The following ASCC3 variants were observed in gnomAD, a reference collection of about 807,000 sequenced individuals.
ASCC3 encodes ASC-1 complex subunit P200.
ASCC3 carries 158 observed loss-of-function variants against 256.3 expected under a neutral mutation model. That is an observed-to-expected ratio of 0.62 (90% CI 0.54 to 0.70). The LOEUF is 0.70. ASCC3 is among the 30% of genes least tolerant of loss of function. The pLI, the probability that ASCC3 is intolerant of heterozygous loss-of-function variation, is 0.00. For synonymous variants in ASCC3, 948 were observed against 883.4 expected, an observed-to-expected ratio of 1.07 and a Z score of -1.30; for missense variants, 2,259 against 2,626.0, an observed-to-expected ratio of 0.86 and a Z score of 3.05.
intron 4 of ASCC3, among the ~76,000 whole-genome samples, chr6:100,840,452 C>A (rs1199947052): frequency 6.7e-6 from 1 of 148,886 alleles, no homozygotes; most frequent in Non-Finnish European, 1.5e-5. Flanking sequence ...CTCAGCCTCC[C>A]AAGTAGCTGG....
At chr6:100,611,878 C>A (rs1185847254) in intron 30 of ASCC3, among the ~76,000 whole-genome samples, 1 of 150,648 alleles carries the variant, frequency 6.6e-6, no homozygotes, top group East Asian at 1.9e-4. Flanking sequence ...AAAAAAAAAA[C>A]CATGATAAAT....
At chr6:100,591,189 T>C (rs1771981860) in intron 34 of ASCC3, among the ~76,000 whole-genome samples, 2 of 152,068 alleles carry the variant, frequency 1.3e-5, no homozygotes, top group Non-Finnish European at 2.9e-5. Flanking sequence ...TGTTCAAATT[T>C]ATGTCTAAGC....
intron 4 of ASCC3, among the ~76,000 whole-genome samples, chr6:100,806,575 T>C (rs991105139): frequency 1.3e-5 from 2 of 151,906 alleles, no homozygotes; most frequent in African/African-American, 4.8e-5. Flanking sequence ...TCTGGGAAGA[T>C]ACATGTATAT....
rs1040682359 is a variant in ASCC3 at position 100,668,529 on chromosome 6, T to A, written c.2287-5993A>T. ...AAAGATGAATTAATTCTAATGCTAT[T>A]AAGAGACTCTAGAGGACAGAAACAG... is the stretch of plus-strand genomic sequence containing the variant. On this transcript the variant is annotated intron_variant, in intron 14 of 41. Coordinates refer to ENST00000369162, the MANE Select transcript of ASCC3 (RefSeq NM_006828.4). 5.3e-5 allele frequency among the ~76,000 whole-genome samples: 8 copies of A among 152,086 alleles called. No individual in the cohort carries two copies. The East Asian group carries it at 1.5e-3, about 29-fold the overall frequency.
At chr6:100,815,114 T>C (rs895810823) in intron 4 of ASCC3, among the ~76,000 whole-genome samples, 12 of 152,116 alleles carry the variant, frequency 7.9e-5, no homozygotes, top group Non-Finnish European at 1.6e-4. Context: ...AGCATTCCTA[T>C]ACACCAACAA....
chr6:100,787,830 T>A (rs998871644), intron 8 of ASCC3, among the ~76,000 whole-genome samples: 10 of 151,976 alleles, frequency 6.6e-5, no homozygotes, highest in African/African-American at 2.2e-4. Flanking sequence ...TAAAAACCAA[T>A]TATAAATGGA....
intron 5 of ASCC3, among the ~76,000 whole-genome samples, chr6:100,802,972 C>T (rs1239032718): frequency 6.6e-6 from 1 of 152,028 alleles, no homozygotes; most frequent in East Asian, 1.9e-4. Flanking sequence ...TGTGCCACTG[C>T]TCCCTAGCCT....
At chr6:100,880,737 A>G (rs1769258248) in intron 1 of ASCC3, among the ~76,000 whole-genome samples, 1 of 152,204 alleles carries the variant, frequency 6.6e-6, no homozygotes, top group African/African-American at 2.4e-5. Context: ...TTTGTAACAG[A>G]AAAAAAGAAA....
intron 34 of ASCC3, among the ~76,000 whole-genome samples, chr6:100,597,708 T>C (rs1048926147): frequency 2.6e-5 from 4 of 151,126 alleles, no homozygotes; most frequent in African/African-American, 9.7e-5. Context: ...CGTGGTGGCT[T>C]ATGCCTGTAG....
At chr6:100,550,759 T>C (rs1009573458) in intron 36 of ASCC3, among the ~76,000 whole-genome samples, 8 of 151,980 alleles carry the variant, frequency 5.3e-5, no homozygotes, top group Admixed American at 2.6e-4. Context: ...TTCTAAACCA[T>C]GCTAATTCTG....
At chr6:100,733,794 T>C (rs889148820) in intron 10 of ASCC3, among the ~76,000 whole-genome samples, 37 of 152,164 alleles carry the variant, frequency 2.4e-4, no homozygotes, top group African/African-American at 8.7e-4. Flanking sequence ...TTTCTTAAAT[T>C]AGAAAATGCA....
intron 5 of ASCC3, among the ~76,000 whole-genome samples, chr6:100,803,379 T>A (rs564870215): frequency 1.3e-5 from 2 of 152,226 alleles, no homozygotes; most frequent in South Asian, 4.1e-4. Context: ...CTGATAGTTT[T>A]ATAAGTGTTT....
Position 100,722,881 on chromosome 6 carries a change from G to A in ASCC3, c.1902+2658C>T, listed in dbSNP as rs574907122. 2.6e-5 allele frequency among the ~76,000 whole-genome samples: 4 copies of A among 151,766 alleles called. No individual in the cohort carries two copies. In the South Asian group the frequency reaches 8.3e-4, roughly 32 times the overall value. On this transcript the variant is annotated intron_variant, in intron 11 of 41. Transcript: ENST00000369162. ...AAAGGCTGCAAAGCAGCAATTCATT[G>A]CATAAATATACTATAATTCATTAAA...
intron 36 of ASCC3, 90 bp from the exon 37 acceptor site, chr6:100,540,477 G>C: frequency 1.8e-6 from 2 of 1,112,016 alleles, no homozygotes; most frequent in South Asian, 2.8e-5. Context: ...ACATGGCTCA[G>C]AAAAATCATA....
chr6:100,559,333 C>A (rs1424170885), intron 36 of ASCC3, among the ~76,000 whole-genome samples: 3 of 152,082 alleles, frequency 2.0e-5, no homozygotes, highest in Non-Finnish European at 4.4e-5. Context: ...AAATAAATTC[C>A]TTCTGTTTTC....
intron 1 of ASCC3, among the ~76,000 whole-genome samples, chr6:100,880,619 A>G (rs570354265): frequency 1.4e-5 from 2 of 146,740 alleles, no homozygotes; most frequent in Admixed American, 1.3e-4. Context: ...AAATTCACCC[A>G]CAATCCATCA....
intron 13 of ASCC3, among the ~76,000 whole-genome samples, chr6:100,705,484 G>A (rs1481054023): frequency 7.2e-5 from 11 of 152,026 alleles, no homozygotes; most frequent in African/African-American, 2.6e-4. Flanking sequence ...TAGTTCTTTT[G>A]TTTTCGAATG....
intron 36 of ASCC3, among the ~76,000 whole-genome samples, chr6:100,568,792 T>TTA (rs1562125513): frequency 4.4e-5 from 6 of 137,884 alleles, no homozygotes; most frequent in African/African-American, 1.3e-4. Context: ...TATTATTATT[T>TTA]TTTGAGACAG....
intron 30 of ASCC3, among the ~76,000 whole-genome samples, chr6:100,609,933 A>G (rs1773308893): frequency 6.6e-6 from 1 of 152,150 alleles, no homozygotes; most frequent in Admixed American, 6.6e-5. Flanking sequence ...AAAAAAAGAA[A>G]GTCCAGTTTC....
Sources: allele counts gnomAD v4.1 joint callset (sites outside exome capture counted in the v4.1 genomes callset), GRCh38; gene constraint gnomAD v4.1.1; transcripts MANE v1.5; gene names NCBI Gene and HGNC (gene_info 2026-07-23, HGNC 2026-07-21).